ADAMTS8: variants seen among roughly 807,000 people sequenced by gnomAD.
ADAMTS8 encodes the protein A disintegrin and metalloproteinase with thrombospondin motifs 8.
In ADAMTS8, 50 loss-of-function variants were observed where a neutral mutation model predicts 64.4. That is an observed-to-expected ratio of 0.78 (90% confidence interval 0.62 to 0.98). ADAMTS8 has a LOEUF of 0.98. ADAMTS8 is among the 50% of genes least tolerant of loss of function. ADAMTS8 has a pLI of 0.00. For synonymous variants in ADAMTS8, 556 were observed against 533.6 expected, an observed-to-expected ratio of 1.04 and a Z score of -0.58; for missense variants, 1,192 against 1,208.2, an observed-to-expected ratio of 0.99 and a Z score of 0.20.
chr11:130,427,766 C>T lies in ADAMTS8; in HGVS notation c.521G>A (p.Gly174Asp). The change falls in exon 1 of 9, where the codon GGT (glycine) becomes GAT (aspartate). Residue 174 changes from glycine (G) to aspartate (D), a missense_variant. Gly to Asp is a moderately conservative substitution (Grantham distance 94, BLOSUM62 -1). Coordinates refer to ENST00000257359, the MANE Select transcript of ADAMTS8 (RefSeq NM_007037.6). ...GPEWEVETGEGQRQERGDHQE... is the reference protein window; with the variant it reads ...GPEWEVETGEDQRQERGDHQE... ...GTGGTCTCCTCTCTCCTGCCTCTGA[C>T]CCTCTCCCGTCTCCACCTCCCACTC... 1 of 1,594,310 alleles carries T rather than the reference C, an allele frequency of 6.3e-7. No individual in the cohort carries two copies.
At position 130,408,909 on chromosome 11, in the gene ADAMTS8, C is replaced by A. The variant is rs373215064; in HGVS notation, c.1782G>T (p.Lys594Asn). The A allele has an allele frequency of 5.6e-5, 89 of 1,582,950 alleles. No homozygotes were observed. The highest frequency in any genetic ancestry group is 7.5e-5 in the Non-Finnish European group (87 of 1,163,742). Reference protein sequence around the residue: ...GKSFREQQCEKYNAYNYTDMD... With the variant: ...GKSFREQQCENYNAYNYTDMD... ...TGTCAGTGTAATTGTAGGCATTATA[C>A]TTCTCACACTGCTGCTCCCTGAAGC... is the stretch of plus-strand genomic sequence containing the variant. Residue 594 changes from lysine to asparagine, a missense_variant, in exon 7 of 9, where the codon AAG becomes AAT. Around this residue, in one of 5 missense-constraint regions of ADAMTS8, gnomAD observed 290 missense variants for 297.8 expected, o/e 0.97. Coordinates refer to ENST00000257359, the MANE Select transcript of ADAMTS8 (RefSeq NM_007037.6).
chr11:130,405,531 C>T lies in ADAMTS8; in HGVS notation c.*27G>A, dbSNP rs779582269. On this transcript the variant is annotated 3_prime_UTR_variant, in exon 9 of 9. Coordinates refer to ENST00000257359, the MANE Select transcript of ADAMTS8 (RefSeq NM_007037.6). ...CACCTCAGTACCGCATGTCCAGGAG[C>T]ACAAGACTGGCCCCTGCCCCCCTGA... The T allele has an allele frequency of 5.1e-6, 8 of 1,566,142 alleles. No homozygotes were observed. The highest frequency in any genetic ancestry group is 6.9e-6 in the Non-Finnish European group (8 of 1,155,388).
chr11:130,406,066 C>T lies in ADAMTS8; in HGVS notation c.2162G>A (p.Arg721Gln), dbSNP rs746014175. Residue 721 changes from arginine (R) to glutamine (Q), a missense_variant, in exon 9 of 9, where the codon CGG (arginine) becomes CAG (glutamine). Physicochemically the swap from Arg to Gln is conservative, Grantham distance 43 (BLOSUM62 1). This residue lies in a region of ADAMTS8 where 290 missense variants were observed against 297.8 expected (regional missense o/e 0.97). Coordinates refer to ENST00000257359, the MANE Select transcript of ADAMTS8 (RefSeq NM_007037.6). Reference protein sequence around the residue: ...AGATNIDVKQRSHPGVQNDGN... With the variant: ...AGATNIDVKQQSHPGVQNDGN... ...ATCGTTCTGCACACCCGGGTGGCTC[C>T]GCTGCTTCACGTCAATATTAGTGGC... 54 of 1,613,594 alleles carry T rather than the reference C, an allele frequency of 3.3e-5. No homozygotes were observed. Among genetic ancestry groups the T allele is most frequent in the Middle Eastern group, 1.6e-4 (1 of 6,084 alleles).
At chr11:130,412,753 T>G (rs1346670486) in intron 5 of ADAMTS8, among the ~76,000 whole-genome samples, 1 of 152,174 alleles carries the variant, frequency 6.6e-6, no homozygotes, top group Non-Finnish European at 1.5e-5. Flanking sequence ...TTTTTCATAC[T>G]TTTGCTCTGA....
In ADAMTS8 at chr11:130,416,323, GAC is replaced by G; in HGVS notation, c.1102_1103del (p.Val368ProfsTer112). On this transcript the variant is annotated frameshift_variant, in exon 4 of 9. Coordinates refer to ENST00000257359, the MANE Select transcript of ADAMTS8 (RefSeq NM_007037.6). LOFTEE classifies it high-confidence loss of function. This position sits in a 1 kb window ranked among gnomAD's most constrained non-coding sequence, Gnocchi z 4.8. The stretch of plus-strand genomic sequence containing the variant: ...TGGAGTCGTCGTGGGGCATGCTGAG[GAC>G]GTGCCCTGGGGAGAGAGGCCTGGTC... The part of the protein sequence containing the change: ...AHTLAHELGH[V>X]LSMPHDDSKP... The G allele has an allele frequency of 6.4e-7, 1 of 1,562,342 alleles. No individual in the cohort carries two copies. Among genetic ancestry groups the G allele is most frequent in the Non-Finnish European group, 8.7e-7 (1 of 1,153,902 alleles).
intron 5 of ADAMTS8, 34 bp downstream of exon 5, chr11:130,414,497 C>A (rs1309457280): frequency 6.5e-7 from 1 of 1,544,196 alleles, no homozygotes; most frequent in Non-Finnish European, 8.7e-7. Context: ...TTTCTCCTTT[C>A]CCCTCCCCGC....
chr11:130,419,693 G>A (rs1862075001), intron 1 of ADAMTS8, among the ~76,000 whole-genome samples: 1 of 152,224 alleles, frequency 6.6e-6, no homozygotes, highest in Non-Finnish European at 1.5e-5. Context: ...GCACTGGAAT[G>A]TGCAGATACA....
chr11:130,420,698 T>C lies in ADAMTS8; in HGVS notation c.721-1406A>G, dbSNP rs1347451701. On this transcript the variant is annotated intron_variant, in intron 1 of 8. Coordinates refer to ENST00000257359, the MANE Select transcript of ADAMTS8 (RefSeq NM_007037.6). ...TTCACCTCACAGGCAATGAGCCAGG[T>C]ATTTTGTTAGCCCTACAAGCAGGGG... is the stretch of plus-strand genomic sequence containing the variant. Among the ~76,000 whole-genome samples, 3 of 152,086 alleles carry C rather than the reference T, an allele frequency of 2.0e-5. No individual in the cohort carries two copies. In the East Asian group the frequency reaches 5.8e-4, roughly 29 times the overall value.
At chr11:130,406,548 C>T (rs1442440928) in intron 8 of ADAMTS8, among the ~76,000 whole-genome samples, 1 of 152,160 alleles carries the variant, frequency 6.6e-6, no homozygotes, top group Non-Finnish European at 1.5e-5. Context: ...GAGCTCAAAC[C>T]CACATGGAAA....
At chr11:130,421,859 C>T (rs1862103695) in intron 1 of ADAMTS8, among the ~76,000 whole-genome samples, 1 of 152,164 alleles carries the variant, frequency 6.6e-6, no homozygotes, top group South Asian at 2.1e-4. Context: ...ATGGCTTGCT[C>T]CACCACCTGG....
intron 6 of ADAMTS8, among the ~76,000 whole-genome samples, chr11:130,409,373 CT>C (rs1484929542): frequency 6.6e-6 from 1 of 152,170 alleles, no homozygotes; most frequent in Non-Finnish European, 1.5e-5. Flanking sequence ...ATGTCTAGCT[CT>C]GATCTTGCCC....
At position 130,411,639 on chromosome 11, in the gene ADAMTS8, C is replaced by T. The variant is rs746343920; in HGVS notation, c.1567-39G>A. 1.2e-6 allele frequency: 2 copies of T among 1,604,564 alleles called. No individual in the cohort carries two copies. The highest frequency in any genetic ancestry group is 2.2e-5 in the South Asian group (2 of 90,140). ...TGGCACACTGAATGAGGAGCAAAGGCCAGGAGGCTTCAGTATCTGTGTCAC... is the reference window on the plus strand; with the variant it reads ...TGGCACACTGAATGAGGAGCAAAGGTCAGGAGGCTTCAGTATCTGTGTCAC... On this transcript the variant is annotated intron_variant, in intron 5 of 8. Transcript: ENST00000257359. This position sits in a 1 kb window ranked among gnomAD's most constrained non-coding sequence, Gnocchi z 4.2.
At chr11:130,420,212 T>G (rs1862082242) in intron 1 of ADAMTS8, among the ~76,000 whole-genome samples, 1 of 152,124 alleles carries the variant, frequency 6.6e-6, no homozygotes. Context: ...CCCGTGGGCC[T>G]AAGAGGACCC....
intron 1 of ADAMTS8, among the ~76,000 whole-genome samples, chr11:130,425,592 T>C (rs1280168638): frequency 7.0e-6 from 1 of 142,454 alleles, no homozygotes; most frequent in Non-Finnish European, 1.5e-5. Context: ...TTTTTTGTGT[T>C]TTTCTTTTTT....
In ADAMTS8 at chr11:130,414,916, T is replaced by C. The variant is rs1862002515; in HGVS notation, c.1265-84A>G. 26 of 1,388,394 alleles carry C rather than the reference T, an allele frequency of 1.9e-5. 1 individual carries two copies. In the South Asian group the frequency reaches 3.5e-4, roughly 19 times the overall value. 86.0% of individuals were successfully genotyped at this position (1,388,394 alleles called of 1,614,324 possible). A position where few individuals can be genotyped will look rare whatever the true frequency, so the allele number is the denominator to read the frequency against. ...CTTCATGGCCTGTGATGGATGGCAC[T>C]GAAGGTCTAGGTGTCACGACTTCTT... On this transcript the variant is annotated intron_variant, in intron 4 of 8. Coordinates refer to ENST00000257359, the MANE Select transcript of ADAMTS8 (RefSeq NM_007037.6).
chr11:130,408,949 A>T lies in ADAMTS8; in HGVS notation c.1751-9T>A. 1 of 1,524,086 alleles carries T rather than the reference A, an allele frequency of 6.6e-7. No individual in the cohort carries two copies. 94.4% of individuals were successfully genotyped at this position (1,524,086 alleles called of 1,614,324 possible). On this transcript the variant is annotated splice_polypyrimidine_tract_variant and intron_variant, in intron 6 of 8. Transcript: ENST00000257359. The stretch of plus-strand genomic sequence containing the variant: ...CTCCCTGAAGCTTTTCCCTAGAAAG[A>T]GGAAGAAACGGCATGGAGGTGACAC...
Position 130,416,544 on chromosome 11 carries a change from C to T in ADAMTS8, c.1097-214G>A, listed in dbSNP as rs116639511. Among the ~76,000 whole-genome samples, 21 of 152,314 alleles carry T rather than the reference C, an allele frequency of 1.4e-4. 1 individual carries two copies. The East Asian group carries it at 2.1e-3, about 15-fold the overall frequency. On this transcript the variant is annotated intron_variant, in intron 3 of 8. Coordinates refer to ENST00000257359, the MANE Select transcript of ADAMTS8 (RefSeq NM_007037.6). The surrounding 1 kb of genome is among the most constrained non-coding windows in gnomAD (Gnocchi z 4.8). ...TACCCCTTTATTTTCTGCCTCAGCC[C>T]GTCCTGAATTTGGATCTAGCTCTGT...
In ADAMTS8 at chr11:130,411,858, A is replaced by G. The variant is rs779760332; in HGVS notation, c.1567-258T>C. The G allele has an allele frequency of 2.9e-4, 141 of 486,716 alleles. No homozygotes were observed. Among genetic ancestry groups the G allele is most frequent in the African/African-American group, 2.3e-3 (120 of 52,114 alleles). The allele number at this position is 486,716 out of a possible 1,614,324, so 30.1% of individuals were successfully genotyped here. ...TGCCTTATGCTTAGTAAGGTGCTCAATAGGCTATCTGCTGAATGAATGAAT... is the reference window on the plus strand; with the variant it reads ...TGCCTTATGCTTAGTAAGGTGCTCAGTAGGCTATCTGCTGAATGAATGAAT... On this transcript the variant is annotated intron_variant, in intron 5 of 8. Coordinates refer to ENST00000257359, the MANE Select transcript of ADAMTS8 (RefSeq NM_007037.6). The surrounding 1 kb of genome is among the most constrained non-coding windows in gnomAD (Gnocchi z 4.2).
In ADAMTS8 at chr11:130,406,076, C is replaced by T. The variant is rs747292238; in HGVS notation, c.2152G>A (p.Val718Met). The change falls in exon 9 of 9, where the codon GTG becomes ATG. Residue 718 changes from valine (V) to methionine (M), a missense_variant. Physicochemically the swap from Val to Met is conservative, Grantham distance 21. Around this residue, in one of 5 missense-constraint regions of ADAMTS8, gnomAD observed 290 missense variants for 297.8 expected, o/e 0.97. Transcript: ENST00000257359. ...ACACCCGGGTGGCTCCGCTGCTTCA[C>T]GTCAATATTAGTGGCACCAGCTGGG... is the stretch of plus-strand genomic sequence containing the variant. ...TIPAGATNID[V>M]KQRSHPGVQN... 39 of 1,613,342 alleles carry T rather than the reference C, an allele frequency of 2.4e-5. No homozygotes were observed. Among genetic ancestry groups the T allele is most frequent in the Admixed American group, 1.2e-4 (7 of 60,008 alleles).
Sources: allele counts gnomAD v4.1 joint callset (sites outside exome capture counted in the v4.1 genomes callset), GRCh38; gene constraint gnomAD v4.1.1; regional missense constraint gnomAD v4.1.1; non-coding constraint Gnocchi (gnomAD v3.1); transcripts MANE v1.5; gene names NCBI Gene and HGNC (gene_info 2026-07-23, HGNC 2026-07-21).